Variants in SCML4 observed in about 807,000 individuals in gnomAD.
SCML4 encodes sex comb on midleg-like protein 4.
In SCML4, 34 loss-of-function variants were observed where a neutral mutation model predicts 41.1. The ratio of observed to expected loss-of-function variants is 0.83; its 90% CI spans 0.63 to 1.10. The LOEUF (loss-of-function observed/expected upper bound fraction) is 1.10. SCML4 is among the 50% of genes least tolerant of loss of function. The pLI is 0.00. For synonymous variants in SCML4, 214 were observed against 220.9 expected, an observed-to-expected ratio of 0.97 and a Z score of 0.28; for missense variants, 522 against 534.1, an observed-to-expected ratio of 0.98 and a Z score of 0.22.
chr6:107,840,225 TAA>T, the SCML4 span, among the ~76,000 whole-genome samples: 101,956 of 151,892 alleles, frequency 0.67, 36,850 homozygotes, highest in South Asian at 0.87. Flanking sequence ...CCTAATTCAC[TAA>T]ACACTTGTGA....
At chr6:107,777,841 C>T (rs1781077660) in intron 1 of SCML4, among the ~76,000 whole-genome samples, 1 of 152,048 alleles carries the variant, frequency 6.6e-6, no homozygotes, top group Non-Finnish European at 1.5e-5. Flanking sequence ...CCCAGATTCC[C>T]CCATCTCCAA....
Position 107,809,815 on chromosome 6 carries a change from C to T in SCML4, c.-60+14311G>A, listed in dbSNP as rs187042015. Among the ~76,000 whole-genome samples the T allele has an allele frequency of 1.9e-3, 290 of 152,280 alleles. 1 individual carries two copies. Among genetic ancestry groups the T allele is most frequent in the Non-Finnish European group, 3.0e-3 (205 of 68,024 alleles). Reference sequence around the variant, plus strand: ...CGCAGGTAGCCTAGTCGAGGAAGCCCTCAAGTGCCTAACCCCTCACATAAT... The same window carrying T: ...CGCAGGTAGCCTAGTCGAGGAAGCCTTCAAGTGCCTAACCCCTCACATAAT... On this transcript the variant is annotated intron_variant, in intron 1 of 7. Transcript: ENST00000369020.
chr6:107,812,874 G>GACATATAC (rs1379288877), intron 1 of SCML4, among the ~76,000 whole-genome samples: 166 of 62,150 alleles, frequency 2.7e-3, no homozygotes, highest in Non-Finnish European at 4.3e-3. Flanking sequence ...TTTACACACA[G>GACATATAC]ACACATACAC....
At chr6:107,776,575 C>T (rs533073012) in intron 1 of SCML4, among the ~76,000 whole-genome samples, 1 of 152,292 alleles carries the variant, frequency 6.6e-6, no homozygotes, top group African/African-American at 2.4e-5. Context: ...CCTGACAATA[C>T]TCATGTTGGT....
chr6:107,716,314 T>C (rs1253606114), intron 6 of SCML4, among the ~76,000 whole-genome samples: 1 of 152,108 alleles, frequency 6.6e-6, no homozygotes, highest in Non-Finnish European at 1.5e-5. Context: ...ACCCCTGGGG[T>C]TGTTTTGAAA....
intron 1 of SCML4, among the ~76,000 whole-genome samples, chr6:107,784,143 A>C (rs912695169): frequency 6.6e-6 from 1 of 152,234 alleles, no homozygotes; most frequent in Non-Finnish European, 1.5e-5. Flanking sequence ...AAAGGACAGC[A>C]TCTGCCTGCC....
At chr6:107,834,121 C>T in the SCML4 span, among the ~76,000 whole-genome samples, 1 of 152,104 alleles carries the variant, frequency 6.6e-6, no homozygotes, top group Non-Finnish European at 1.5e-5. Flanking sequence ...AGAAACTGGG[C>T]CTTTTTTCAA....
chr6:107,731,389 A>T (rs530007003), intron 5 of SCML4, among the ~76,000 whole-genome samples: 18 of 152,340 alleles, frequency 1.2e-4, no homozygotes, highest in African/African-American at 4.3e-4. Context: ...TTATTCTCAC[A>T]TAATACCTAT....
chr6:107,831,527 T>C, the SCML4 span, among the ~76,000 whole-genome samples: 6 of 151,422 alleles, frequency 4.0e-5, no homozygotes, highest in South Asian at 2.1e-4. Flanking sequence ...TAAACCCACA[T>C]GAGCTACAAG....
intron 5 of SCML4, among the ~76,000 whole-genome samples, chr6:107,738,626 A>G (rs150819522): frequency 6.6e-4 from 101 of 152,230 alleles, no homozygotes; most frequent in African/African-American, 2.3e-3. Flanking sequence ...ATCTTGAAAA[A>G]AAAAGGATCG....
the SCML4 span, among the ~76,000 whole-genome samples, chr6:107,833,759 A>AT: frequency 1.3e-5 from 2 of 152,144 alleles, no homozygotes; most frequent in African/African-American, 4.8e-5. Context: ...TTAGAAAAAA[A>AT]TTTTTTACAA....
intron 5 of SCML4, among the ~76,000 whole-genome samples, chr6:107,733,530 T>C (rs1776757350): frequency 6.6e-6 from 1 of 152,210 alleles, no homozygotes; most frequent in Non-Finnish European, 1.5e-5. Flanking sequence ...CCTCTTGGCA[T>C]GGTTTGCCAT....
chr6:107,777,702 C>T (rs892080392), intron 1 of SCML4, among the ~76,000 whole-genome samples: 11 of 152,106 alleles, frequency 7.2e-5, no homozygotes, highest in Admixed American at 5.2e-4. Context: ...CATCTATAAA[C>T]AGATGATGGA....
At chr6:107,737,310 A>G (rs1186735282) in intron 5 of SCML4, among the ~76,000 whole-genome samples, 1 of 152,168 alleles carries the variant, frequency 6.6e-6, no homozygotes, top group South Asian at 2.1e-4. Context: ...ACCATGCTTC[A>G]GGTGCTTGCT....
rs117577363 is a variant in SCML4 at position 107,751,307 on chromosome 6, T to C, written c.157-1494A>G. ...TTGAGGCATTTCTTGGGTGAAATTG[T>C]ACCCAAGATTTGAAGGAGGTGAGGG... On this transcript the variant is annotated intron_variant, in intron 2 of 7. Transcript: ENST00000369020. Among the ~76,000 whole-genome samples the C allele has an allele frequency of 5.1e-3, 783 of 152,310 alleles. 12 individuals carry two copies. In the East Asian group the frequency reaches 0.064, roughly 12 times the overall value.
intron 6 of SCML4, among the ~76,000 whole-genome samples, chr6:107,715,772 A>G (rs1000282052): frequency 8.5e-5 from 13 of 152,200 alleles, no homozygotes; most frequent in African/African-American, 3.1e-4. Flanking sequence ...GAGTTTGTCA[A>G]GTCATCAATA....
intron 6 of SCML4, 66 bp from the exon 7 acceptor site, chr6:107,708,077 G>T (rs1383923085): frequency 2.0e-6 from 3 of 1,509,390 alleles, no homozygotes; most frequent in African/African-American, 2.8e-5. Flanking sequence ...ACCTGGTGCT[G>T]CCTGCCCCCA....
At chr6:107,727,437 G>A (rs9373967) in intron 5 of SCML4, among the ~76,000 whole-genome samples, 9,893 of 152,104 alleles carry the variant, frequency 0.065, 447 homozygotes, top group Admixed American at 0.15. Flanking sequence ...TTTTTAAAAG[G>A]CGTTTGCAGA....
chr6:107,757,536 G>A (rs77623632), intron 2 of SCML4, among the ~76,000 whole-genome samples: 2,445 of 152,204 alleles, frequency 0.016, 55 homozygotes, highest in African/African-American at 0.055. Flanking sequence ...GGCAGCAGTG[G>A]GCACATGCAA....
Sources: allele counts gnomAD v4.1 joint callset (sites outside exome capture counted in the v4.1 genomes callset), GRCh38; gene constraint gnomAD v4.1.1; transcripts MANE v1.5; gene names NCBI Gene and HGNC (gene_info 2026-07-23, HGNC 2026-07-21).